The following STS variants were observed in gnomAD, a reference collection of about 807,000 sequenced individuals.
The protein encoded by STS is steryl-sulfatase.
STS carries 7 observed loss-of-function variants against 26.8 expected under a neutral mutation model. The ratio of observed to expected loss-of-function variants is 0.26; its 90% CI spans 0.15 to 0.49. STS has a LOEUF of 0.49. Among genes scored for constraint, STS ranks in the 20% least tolerant of loss-of-function variants. The probability of loss-of-function intolerance (pLI) is 0.98; values close to 1 mark genes in which losing one functional copy is unlikely to be tolerated. For missense variants in STS, 434 were observed against 465.6 expected (o/e 0.93, Z 0.63); for synonymous variants, 199 against 189.4 (o/e 1.05, Z -0.42).
intron 10 of STS, among the ~76,000 whole-genome samples, chrX:7,338,955 C>T (rs1472338786): frequency 7.2e-5 from 8 of 111,696 alleles, no homozygotes; most frequent in Non-Finnish European, 1.3e-4. Context: ...GGAATGTGTT[C>T]CTTTCCGGCT....
chrX:7,153,575 C>T (rs756575307), intron 1 of STS, among the ~76,000 whole-genome samples: 11 of 99,441 alleles, frequency 1.1e-4, no homozygotes, highest in South Asian at 5.4e-4. Context: ...TGTCCTCCTC[C>T]GTGACTCCCT....
intron 8 of STS, among the ~76,000 whole-genome samples, chrX:7,307,676 G>A: frequency 8.9e-6 from 1 of 112,135 alleles, no homozygotes; most frequent in Non-Finnish European, 1.9e-5. Flanking sequence ...TTTAGGAAGT[G>A]AAGCTTTGTC....
chrX:7,296,482 T>C (rs1424439085), intron 7 of STS, among the ~76,000 whole-genome samples: 1 of 112,062 alleles, frequency 8.9e-6, no homozygotes, highest in Non-Finnish European at 1.9e-5. Context: ...ACCACTCTAT[T>C]GTGATGTCGA....
At chrX:7,253,829 T>C (rs1923266026) in intron 3 of STS, among the ~76,000 whole-genome samples, 1 of 112,116 alleles carries the variant, frequency 8.9e-6, no homozygotes, top group Non-Finnish European at 1.9e-5. Flanking sequence ...CTGTAAAGGC[T>C]GCTATGACAA....
chrX:7,346,473 A>C (rs1928532310), intron 10 of STS, among the ~76,000 whole-genome samples: 1 of 109,705 alleles, frequency 9.1e-6, no homozygotes, highest in African/African-American at 3.3e-5. Flanking sequence ...AAAAAAAAAA[A>C]AAAAAAACTG....
chrX:7,321,617 C>T (rs1194589090), intron 8 of STS, among the ~76,000 whole-genome samples: 1 of 112,275 alleles, frequency 8.9e-6, no homozygotes. Flanking sequence ...TAGTAATTTA[C>T]TTCCTAAATA....
intron 1 of STS, 90 bp downstream of exon 1, chrX:7,148,173 C>CCGCGCA (rs1329929472): frequency 4.0e-5 from 34 of 856,613 alleles, no homozygotes; most frequent in African/African-American, 1.5e-4. Flanking sequence ...CCCGCCCGCC[C>CCGCGCA]CGCGCACGCG....
intron 9 of STS, among the ~76,000 whole-genome samples, chrX:7,331,939 A>T: frequency 1.8e-5 from 2 of 110,789 alleles, no homozygotes; most frequent in Middle Eastern, 9.3e-3. Flanking sequence ...AAAATAGAAA[A>T]ATAAGTTTGC....
Position 7,350,454 on chromosome X carries a change from G to A in STS, c.*193G>A. 3.9e-6 allele frequency: 2 copies of A among 518,495 alleles called. No individual in the cohort carries two copies. The highest frequency in any genetic ancestry group is 3.2e-5 in the South Asian group (1 of 31,251). The allele number at this position is 518,495 out of a possible 1,213,427, so 42.7% of individuals were successfully genotyped here. The stretch of plus-strand genomic sequence containing the variant: ...TGGAGGGGTGAGGGGGATAAGGTCT[G>A]TAGTATACAGACAGGAAGATGGTAG... On this transcript the variant is annotated 3_prime_UTR_variant, in exon 11 of 11. Transcript: ENST00000674429.
At chrX:7,272,094 A>AT (rs1924300616) in intron 6 of STS, among the ~76,000 whole-genome samples, 1 of 110,239 alleles carries the variant, frequency 9.1e-6, no homozygotes, top group African/African-American at 3.3e-5. Flanking sequence ...GCATATATCC[A>AT]TTTATTGTTT....
Position 7,157,702 on chromosome X carries a change from C to A in STS, c.-134+9619C>A, listed in dbSNP as rs1287927225. 4.5e-5 allele frequency among the ~76,000 whole-genome samples: 5 copies of A among 110,909 alleles called. No homozygotes were observed. In the East Asian group the frequency reaches 1.4e-3, roughly 31 times the overall value. The stretch of plus-strand genomic sequence containing the variant: ...AATAAAGGGTTATTGATTAGAGGGG[C>A]CTGAGATGTATGCTTCTGCCTGCCT... On this transcript the variant is annotated intron_variant, in intron 1 of 10. Coordinates refer to ENST00000674429, the MANE Select transcript of STS (RefSeq NM_001320752.2).
intron 2 of STS, among the ~76,000 whole-genome samples, chrX:7,202,964 G>A (rs747910093): frequency 5.5e-5 from 6 of 109,467 alleles, no homozygotes; most frequent in Non-Finnish European, 7.6e-5. Context: ...CTCTATCCAC[G>A]TCCCTGTCTC....
intron 2 of STS, among the ~76,000 whole-genome samples, chrX:7,203,491 C>A (rs1934112817): frequency 9.0e-6 from 1 of 111,716 alleles, no homozygotes; most frequent in Non-Finnish European, 1.9e-5. Context: ...TTTATTCCCA[C>A]TAGTAAAAAC....
chrX:7,201,739 G>A (rs1427363704), intron 2 of STS, among the ~76,000 whole-genome samples: 1 of 111,050 alleles, frequency 9.0e-6, no homozygotes, highest in African/African-American at 3.3e-5. Flanking sequence ...GAGATTTCAT[G>A]CGTTTGTCTT....
At chrX:7,259,204 G>T in intron 5 of STS, 145 bp from the exon 6 acceptor site, 1 of 594,754 alleles carries the variant, frequency 1.7e-6, no homozygotes, top group Non-Finnish European at 2.7e-6. Flanking sequence ...AAAAAAAAGT[G>T]AAAAATTCTA....
At chrX:7,165,260 G>A (rs1933327257) in intron 1 of STS, among the ~76,000 whole-genome samples, 1 of 108,691 alleles carries the variant, frequency 9.2e-6, no homozygotes, top group Admixed American at 1.0e-4. Flanking sequence ...CCTTCCAGCT[G>A]TGACAGCCAG....
intron 9 of STS, 131 bp downstream of exon 9, chrX:7,325,629 T>G: frequency 1.3e-6 from 1 of 747,471 alleles, no homozygotes; most frequent in Middle Eastern, 4.5e-4. Flanking sequence ...AATCACAGGT[T>G]TGAGGCAGGT....
chrX:7,305,292 A>G, intron 8 of STS, 109 bp downstream of exon 8: 5 of 1,008,106 alleles, frequency 5.0e-6, no homozygotes, highest in Admixed American at 2.3e-5. Flanking sequence ...TGCAATAGGT[A>G]GGACTTCCTT....
At chrX:7,249,477 G>A (rs767804422) in intron 2 of STS, among the ~76,000 whole-genome samples, 1 of 111,573 alleles carries the variant, frequency 9.0e-6, no homozygotes, top group African/African-American at 3.3e-5. Context: ...GGTAGGCAGT[G>A]GTTGTGAGGT....
Sources: allele counts gnomAD v4.1 joint callset (sites outside exome capture counted in the v4.1 genomes callset), GRCh38; gene constraint gnomAD v4.1.1; transcripts MANE v1.5; gene names NCBI Gene and HGNC (gene_info 2026-07-23, HGNC 2026-07-21).